MBNL1: variants seen among roughly 807,000 people sequenced by gnomAD.
MBNL1 encodes muscleblind-like protein 1.
MBNL1 carries 8 observed loss-of-function variants against 42.2 expected under a neutral mutation model. The observed-to-expected ratio is 0.19, with a 90% CI of 0.11 to 0.34. MBNL1 has a LOEUF of 0.34. MBNL1 is among the 10% of genes least tolerant of loss of function. The pLI, the probability that MBNL1 is intolerant of heterozygous loss-of-function variation, is 1.00. For missense variants in MBNL1, 309 were observed against 495.3 expected (o/e 0.62, Z 3.57); for synonymous variants, 169 against 173.9 (o/e 0.97, Z 0.22).
intron 2 of MBNL1, among the ~76,000 whole-genome samples, chr3:152,382,571 T>TA (rs1461674295): frequency 6.6e-6 from 1 of 152,160 alleles, no homozygotes; most frequent in African/African-American, 2.4e-5. Context: ...TTCATTATGA[T>TA]AGCACTTATT....
At chr3:152,272,381 A>G (rs2042419888) in intron 1 of MBNL1, among the ~76,000 whole-genome samples, 2 of 152,138 alleles carry the variant, frequency 1.3e-5, no homozygotes, top group Non-Finnish European at 2.9e-5. Flanking sequence ...ATGAGTCTTA[A>G]CACCTCTCAA....
intron 2 of MBNL1, among the ~76,000 whole-genome samples, chr3:152,397,412 G>T (rs1247306010): frequency 6.6e-6 from 1 of 152,038 alleles, no homozygotes; most frequent in Non-Finnish European, 1.5e-5. Flanking sequence ...CTTCGTCCAT[G>T]TGTTCTGATT....
intron 9 of MBNL1, among the ~76,000 whole-genome samples, chr3:152,462,140 T>C (rs1009146468): frequency 6.6e-6 from 1 of 152,138 alleles, no homozygotes; most frequent in African/African-American, 2.4e-5. Context: ...ACTTTTAGTT[T>C]AGGATTGGTA....
intron 2 of MBNL1, among the ~76,000 whole-genome samples, chr3:152,378,379 T>G (rs2097014404): frequency 6.6e-6 from 1 of 152,138 alleles, no homozygotes; most frequent in African/African-American, 2.4e-5. Context: ...TCAAGAGAGA[T>G]ATAGTAATGT....
chr3:152,463,775 AG>A lies in MBNL1; in HGVS notation c.*1410del, dbSNP rs1224239051. The A allele has an allele frequency of 1.3e-5, 2 of 152,518 alleles. No homozygotes were observed. Among genetic ancestry groups the A allele is most frequent in the Non-Finnish European group, 2.9e-5 (2 of 67,964 alleles). The allele number at this position is 152,518 out of a possible 1,614,324, so 9.4% of individuals were successfully genotyped here. A position where few individuals can be genotyped will look rare whatever the true frequency, so the allele number is the denominator to read the frequency against. On this transcript the variant is annotated 3_prime_UTR_variant, in exon 10 of 10. Coordinates refer to ENST00000324210, the MANE Select transcript of MBNL1 (RefSeq NM_021038.5). ...TTTTTGAGGTTTGGATGTTGCAGCT[AG>A]TAAAGGATATTTTTGCTCTGTTCAG...
intron 1 of MBNL1, among the ~76,000 whole-genome samples, chr3:152,295,482 C>A (rs1343608355): frequency 6.6e-6 from 1 of 152,118 alleles, no homozygotes; most frequent in Non-Finnish European, 1.5e-5. Context: ...TCCTCCCATA[C>A]ATGTTTATTT....
chr3:152,286,750 G>C (rs1474001308), intron 1 of MBNL1, among the ~76,000 whole-genome samples: 1 of 151,776 alleles, frequency 6.6e-6, no homozygotes, highest in Non-Finnish European at 1.5e-5. Flanking sequence ...TTAGACATTA[G>C]ATAGGAAAGT....
In MBNL1 at chr3:152,425,875, C is replaced by G. The variant is rs532898711; in HGVS notation, c.346-6842C>G. Among the ~76,000 whole-genome samples, 265 of 152,268 alleles carry G rather than the reference C, an allele frequency of 1.7e-3. 1 individual carries two copies. The highest frequency in any genetic ancestry group is 5.9e-3 in the African/African-American group (247 of 41,540). ...TATATACTCAGTTTTGTAAATCATT[C>G]TACTATAAAGACACATGCACACGTA... On this transcript the variant is annotated intron_variant, in intron 3 of 9. Coordinates refer to ENST00000324210, the MANE Select transcript of MBNL1 (RefSeq NM_021038.5).
intron 2 of MBNL1, among the ~76,000 whole-genome samples, chr3:152,391,781 G>A (rs1252843714): frequency 6.6e-6 from 1 of 152,192 alleles, no homozygotes; most frequent in Non-Finnish European, 1.5e-5. Flanking sequence ...GATTAGTAAA[G>A]TGCTGACATC....
chr3:152,448,079 C>A (rs1713907916), intron 6 of MBNL1, among the ~76,000 whole-genome samples: 1 of 152,130 alleles, frequency 6.6e-6, no homozygotes, highest in Non-Finnish European at 1.5e-5. Context: ...GTCTGTCAAG[C>A]TATTTTATGA....
chr3:152,272,250 T>A (rs1012220087), intron 1 of MBNL1, among the ~76,000 whole-genome samples: 4 of 152,162 alleles, frequency 2.6e-5, no homozygotes, highest in African/African-American at 7.2e-5. Context: ...TCTTATCCAT[T>A]GTAACCAAAA....
At chr3:152,419,510 AG>A (rs570606007) in intron 3 of MBNL1, among the ~76,000 whole-genome samples, 213 of 152,232 alleles carry the variant, frequency 1.4e-3, no homozygotes, top group African/African-American at 5.0e-3. Context: ...GGAAGCCATG[AG>A]GGACCCTGCT....
At chr3:152,396,798 G>T (rs2097966784) in intron 2 of MBNL1, among the ~76,000 whole-genome samples, 4 of 152,088 alleles carry the variant, frequency 2.6e-5, no homozygotes. Context: ...AAAGTTTGGG[G>T]ATTACCTGTT....
chr3:152,262,958 G>C (rs1312720072), intron 2 of MBNL1: 1 of 152,176 alleles, frequency 6.6e-6, no homozygotes, highest in East Asian at 1.9e-4. Flanking sequence ...GTCCATAGTA[G>C]AAGGTACGCA....
At chr3:152,337,835 A>T (rs1324424539) in intron 2 of MBNL1, among the ~76,000 whole-genome samples, 3 of 152,108 alleles carry the variant, frequency 2.0e-5, no homozygotes, top group Non-Finnish European at 4.4e-5. Context: ...GATAAGTTTG[A>T]TAAAATGTAT....
At chr3:152,452,265 G>T (rs985409797) in intron 6 of MBNL1, among the ~76,000 whole-genome samples, 2 of 152,158 alleles carry the variant, frequency 1.3e-5, no homozygotes, top group African/African-American at 4.8e-5. Context: ...ATTACGGCGT[G>T]TAAGAAATAC....
intron 2 of MBNL1, among the ~76,000 whole-genome samples, chr3:152,331,489 G>A (rs1056871543): frequency 2.0e-5 from 3 of 151,984 alleles, no homozygotes; most frequent in Admixed American, 1.3e-4. Context: ...TTGATGGGTT[G>A]TTTACTTTCT....
intron 2 of MBNL1, among the ~76,000 whole-genome samples, chr3:152,382,412 G>T (rs1036452571): frequency 6.6e-6 from 1 of 152,042 alleles, no homozygotes; most frequent in African/African-American, 2.4e-5. Context: ...AAAAGCTGGA[G>T]AATTCATACG....
intron 2 of MBNL1, among the ~76,000 whole-genome samples, chr3:152,329,560 G>A (rs983961007): frequency 6.6e-6 from 1 of 151,026 alleles, no homozygotes; most frequent in African/African-American, 2.4e-5. Flanking sequence ...GAGGTGGGAG[G>A]ATTGCATGAG....
Sources: gnomAD v4.1 joint callset for allele counts (sites outside exome capture counted in the v4.1 genomes callset) on GRCh38, gnomAD v4.1.1 for gene constraint, MANE v1.5 for transcripts, NCBI Gene and HGNC (gene_info 2026-07-23, HGNC 2026-07-21) for gene names.